Variants in SV2C observed in about 807,000 individuals in gnomAD.
SV2C encodes solute carrier family 22 member B3.
Under a neutral mutation model 79.7 loss-of-function variants are expected in SV2C, and 49 were observed. The observed-to-expected ratio is 0.61, with a 90% CI of 0.49 to 0.78. SV2C has a LOEUF of 0.78. Among genes scored for constraint, SV2C ranks in the 30% least tolerant of loss-of-function variants. The probability of loss-of-function intolerance (pLI) is 0.00; values close to 1 mark genes in which losing one functional copy is unlikely to be tolerated. For synonymous variants in SV2C, 334 were observed against 333.2 expected, an observed-to-expected ratio of 1.00 and a Z score of -0.03; for missense variants, 833 against 912.9, an observed-to-expected ratio of 0.91 and a Z score of 1.13.
intron 3 of SV2C, among the ~76,000 whole-genome samples, chr5:76,199,793 T>C (rs1369771441): frequency 6.6e-6 from 1 of 152,250 alleles, no homozygotes; most frequent in Admixed American, 6.5e-5. Context: ...AGAAAACTTA[T>C]ATGACTAGTG....
the SV2C span, among the ~76,000 whole-genome samples, chr5:75,945,410 C>T: frequency 2.0e-5 from 3 of 151,896 alleles, no homozygotes; most frequent in Admixed American, 2.0e-4. Context: ...CTCCCAGGCT[C>T]AAGTGATCCT....
chr5:76,082,575 T>TTTTCTTTC (rs148669552), upstream of SV2C, among the ~76,000 whole-genome samples: 52 of 150,366 alleles, frequency 3.5e-4, no homozygotes, highest in African/African-American at 1.1e-3. Context: ...TTCTTTCTCT[T>TTTTCTTTC]TTTCTTTCTT....
chr5:76,210,967 T>G (rs1744750913), intron 4 of SV2C, among the ~76,000 whole-genome samples: 1 of 152,210 alleles, frequency 6.6e-6, no homozygotes, highest in South Asian at 2.1e-4. Context: ...CTATCAATGC[T>G]GGGGATTCCT....
chr5:76,016,167 G>T, the SV2C span, among the ~76,000 whole-genome samples: 1 of 145,812 alleles, frequency 6.9e-6, no homozygotes, highest in East Asian at 2.1e-4. Flanking sequence ...GCTTTTGGAA[G>T]CACAAGGTTG....
At chr5:75,907,480 G>C in the SV2C span, among the ~76,000 whole-genome samples, 23 of 152,252 alleles carry the variant, frequency 1.5e-4, no homozygotes, top group African/African-American at 3.9e-4. Flanking sequence ...CGGTGGGATG[G>C]GGGGAGGATG....
the SV2C span, among the ~76,000 whole-genome samples, chr5:76,024,850 GA>G: frequency 6.6e-6 from 1 of 152,110 alleles, no homozygotes; most frequent in East Asian, 1.9e-4. Context: ...GTGTTTGGTT[GA>G]AAAAAATCTG....
the SV2C span, among the ~76,000 whole-genome samples, chr5:75,943,220 A>G: frequency 6.6e-6 from 1 of 152,180 alleles, no homozygotes; most frequent in Non-Finnish European, 1.5e-5. Flanking sequence ...AGAGGTCTCA[A>G]GCTCACGCTA....
chr5:75,901,434 G>A, the SV2C span, among the ~76,000 whole-genome samples: 3 of 152,156 alleles, frequency 2.0e-5, no homozygotes, highest in Non-Finnish European at 2.9e-5. Flanking sequence ...CTGTCTGGTC[G>A]TTCCTCTGGA....
chr5:76,177,283 A>G (rs925423747), intron 2 of SV2C, among the ~76,000 whole-genome samples: 1 of 150,806 alleles, frequency 6.6e-6, no homozygotes, highest in Non-Finnish European at 1.5e-5. Flanking sequence ...ATCCCAGTGA[A>G]TGAAATATTT....
intron 4 of SV2C, among the ~76,000 whole-genome samples, chr5:76,250,061 A>G (rs1746066496): frequency 6.6e-6 from 1 of 152,206 alleles, no homozygotes; most frequent in Admixed American, 6.5e-5. Context: ...GTGAAATTCA[A>G]ATAATTGAAG....
chr5:75,970,879 A>T, the SV2C span, among the ~76,000 whole-genome samples: 1,127 of 152,194 alleles, frequency 7.4e-3, 21 homozygotes, highest in African/African-American at 0.026. Flanking sequence ...CAAAAAAGAG[A>T]ATTTTAGACC....
chr5:76,011,922 G>A, the SV2C span, among the ~76,000 whole-genome samples: 38 of 152,190 alleles, frequency 2.5e-4, no homozygotes, highest in South Asian at 1.7e-3. Context: ...CATCGATGTC[G>A]CTGCAAAGGA....
chr5:76,275,212 G>T (rs1314316021), intron 4 of SV2C, among the ~76,000 whole-genome samples: 3 of 152,172 alleles, frequency 2.0e-5, no homozygotes, highest in Non-Finnish European at 4.4e-5. Flanking sequence ...AGTAGGCCAG[G>T]TGCAGTGGCT....
chr5:76,275,248 G>A lies in SV2C; in HGVS notation c.914-9914G>A, dbSNP rs368568355. Among the ~76,000 whole-genome samples, 299 of 152,284 alleles carry A rather than the reference G, an allele frequency of 2.0e-3. 1 individual carries two copies. The highest frequency in any genetic ancestry group is 6.9e-3 in the African/African-American group (286 of 41,554). On this transcript the variant is annotated intron_variant, in intron 4 of 12. Coordinates refer to ENST00000502798, the MANE Select transcript of SV2C (RefSeq NM_014979.4). Reference sequence around the variant, plus strand: ...CACGCCTGTAATCCCCGCACTTTGGGAGGCCGAGGCGGGCAGATCACGAGG... The same window carrying A: ...CACGCCTGTAATCCCCGCACTTTGGAAGGCCGAGGCGGGCAGATCACGAGG...
the SV2C span, among the ~76,000 whole-genome samples, chr5:75,883,441 C>G: frequency 7.2e-6 from 1 of 139,380 alleles, no homozygotes; most frequent in East Asian, 2.0e-4. Flanking sequence ...GGAACCAACT[C>G]AAATGTCCAA....
At chr5:76,094,365 C>G (rs2112104283) in intron 1 of SV2C, among the ~76,000 whole-genome samples, 1 of 152,230 alleles carries the variant, frequency 6.6e-6, no homozygotes, top group South Asian at 2.1e-4. Context: ...ATTTTTATCA[C>G]CAAAGATTGG....
chr5:76,235,416 A>C (rs984872507), intron 4 of SV2C, among the ~76,000 whole-genome samples: 3 of 152,222 alleles, frequency 2.0e-5, no homozygotes, highest in African/African-American at 7.2e-5. Flanking sequence ...TTTCTTTATC[A>C]GTGGTGAAAG....
chr5:75,961,645 T>A, the SV2C span, among the ~76,000 whole-genome samples: 2 of 152,092 alleles, frequency 1.3e-5, no homozygotes, highest in East Asian at 3.9e-4. Flanking sequence ...TTTAATTACA[T>A]ACCATTTAAT....
rs1749053263 is a variant in SV2C at position 76,327,716 on chromosome 5, T to A, written c.*2169T>A. On this transcript the variant is annotated 3_prime_UTR_variant, in exon 13 of 13. Transcript: ENST00000502798. ...GGGCATCGCTGTCTCTAGTCCTCTG[T>A]GATAGTTCACTTTGCTAACTAGACT... The A allele has an allele frequency of 6.6e-6, 1 of 152,246 alleles. No homozygotes were observed. Among genetic ancestry groups the A allele is most frequent in the African/African-American group, 2.4e-5 (1 of 41,458 alleles). 9.4% of individuals were successfully genotyped at this position (152,246 alleles called of 1,614,324 possible). A position where few individuals can be genotyped will look rare whatever the true frequency, so the allele number is the denominator to read the frequency against.
Sources: gnomAD v4.1 joint callset for allele counts (sites outside exome capture counted in the v4.1 genomes callset) on GRCh38, gnomAD v4.1.1 for gene constraint, MANE v1.5 for transcripts, NCBI Gene and HGNC (gene_info 2026-07-23, HGNC 2026-07-21) for gene names.